The following FXR1 variants were observed in gnomAD, a reference collection of about 807,000 sequenced individuals.
The protein encoded by FXR1 is RNA-binding protein FXR1.
A neutral mutation model predicts 84.0 loss-of-function variants in FXR1; 15 were observed. The observed-to-expected ratio is 0.18, with a 90% confidence interval of 0.12 to 0.27. The LOEUF (loss-of-function observed/expected upper bound fraction) is 0.27. FXR1 is among the 10% of genes least tolerant of loss of function. The pLI, the probability that FXR1 is intolerant of heterozygous loss-of-function variation, is 1.00. For synonymous variants in FXR1, 245 were observed against 250.7 expected, an observed-to-expected ratio of 0.98 and a Z score of 0.21; for missense variants, 480 against 774.4, an observed-to-expected ratio of 0.62 and a Z score of 4.51.
intron 16 of FXR1, 39 bp downstream of exon 16, chr3:180,975,443 A>G (rs1329995264): frequency 1.3e-6 from 1 of 758,512 alleles, no homozygotes; most frequent in African/African-American, 1.8e-5. Flanking sequence ...TTTTTTTTTA[A>G]TTTTTGGTAT....
Position 180,957,816 on chromosome 3 carries a change from A to G in FXR1, c.881-3A>G. 7.1e-7 allele frequency: 1 copy of G among 1,405,264 alleles called. No homozygotes were observed. Among genetic ancestry groups the G allele is most frequent in the Non-Finnish European group, 1.0e-6 (1 of 999,988 alleles). 87.0% of individuals were successfully genotyped at this position (1,405,264 alleles called of 1,614,324 possible). A position where few individuals can be genotyped will look rare whatever the true frequency, so the allele number is the denominator to read the frequency against. ...CCATTGTATTTGTTTTCTCTTACTA[A>G]AGGAAAAGTAATTGGAAAAAATGGC... On this transcript the variant is annotated splice_region_variant and splice_polypyrimidine_tract_variant and intron_variant, in intron 9 of 16. Coordinates refer to ENST00000357559, the MANE Select transcript of FXR1 (RefSeq NM_005087.4).
At chr3:180,959,132 T>G (rs1313324278) in intron 10 of FXR1, among the ~76,000 whole-genome samples, 2 of 152,148 alleles carry the variant, frequency 1.3e-5, no homozygotes, top group Non-Finnish European at 2.9e-5. Flanking sequence ...TGAAATCCCC[T>G]TAACGCTTTT....
chr3:180,961,982 G>A (rs1214916596), intron 11 of FXR1, among the ~76,000 whole-genome samples: 1 of 152,098 alleles, frequency 6.6e-6, no homozygotes, highest in African/African-American at 2.4e-5. Context: ...TTGGCATTAT[G>A]CAAATCATCT....
chr3:180,954,483 A>T (rs995547388), intron 9 of FXR1, among the ~76,000 whole-genome samples: 1 of 152,246 alleles, frequency 6.6e-6, no homozygotes, highest in Non-Finnish European at 1.5e-5. Context: ...TGAGCATTAT[A>T]GCTTGGAATG....
At chr3:180,935,000 G>T in intron 2 of FXR1, 138 bp from the exon 3 acceptor site, 2 of 516,148 alleles carry the variant, frequency 3.9e-6, no homozygotes, top group Non-Finnish European at 3.5e-6. Flanking sequence ...TAATTTCTTG[G>T]GAAATTATTA....
intron 10 of FXR1, among the ~76,000 whole-genome samples, 176 bp downstream of exon 10, chr3:180,958,104 C>T (rs1333826661): frequency 1.3e-5 from 2 of 151,836 alleles, no homozygotes; most frequent in South Asian, 2.1e-4. Flanking sequence ...ACTATGTGGG[C>T]CTTGTTCTTA....
chr3:180,974,111 G>C (rs1713919253), intron 15 of FXR1, among the ~76,000 whole-genome samples: 1 of 151,758 alleles, frequency 6.6e-6, no homozygotes, highest in African/African-American at 2.4e-5. Flanking sequence ...AAGAAAAAAG[G>C]GTGGTTCTTT....
At position 180,980,379 on chromosome 3, in the gene FXR1, A is replaced by T. The variant is rs1052541161; in HGVS notation, c.*4087A>T. The T allele has an allele frequency of 1.3e-5, 2 of 151,706 alleles. No individual in the cohort carries two copies. Among genetic ancestry groups the T allele is most frequent in the African/African-American group, 4.8e-5 (2 of 41,330 alleles). The allele number at this position is 151,706 out of a possible 1,614,324, so 9.4% of individuals were successfully genotyped here. A position where few individuals can be genotyped will look rare whatever the true frequency, so the allele number is the denominator to read the frequency against. On this transcript the variant is annotated 3_prime_UTR_variant, in exon 17 of 17. Coordinates refer to ENST00000357559, the MANE Select transcript of FXR1 (RefSeq NM_005087.4). ...ATTTCTTTGTATTTCAGTGATTGGGATGTTCTTTTTTTTTGGGAAAGTTTT... is the reference window on the plus strand; with the variant it reads ...ATTTCTTTGTATTTCAGTGATTGGGTTGTTCTTTTTTTTTGGGAAAGTTTT...
Position 180,976,280 on chromosome 3 carries a change from T to C in FXR1, c.1854T>C (p.Asn618=). The change falls in exon 17 of 17, where the codon AAT becomes AAC. Residue 618 remains asparagine, a synonymous_variant. Transcript: ENST00000357559. ...ACACTCAAGAAGCAGCAGTCCTGAA[T>C]GGTGTTTCATAAACTGAAGAAGTTC... The part of the protein sequence containing the change: ...EENTQEAAVL[N]GVS The C allele has an allele frequency of 1.9e-6, 3 of 1,600,444 alleles. No individual in the cohort carries two copies. The highest frequency in any genetic ancestry group is 2.6e-6 in the Non-Finnish European group (3 of 1,173,554).
intron 10 of FXR1, among the ~76,000 whole-genome samples, chr3:180,959,687 T>G (rs1711839785): frequency 6.6e-6 from 1 of 151,588 alleles, no homozygotes; most frequent in African/African-American, 2.4e-5. Context: ...TATCTGCTTG[T>G]GAACTCCTGA....
intron 3 of FXR1, among the ~76,000 whole-genome samples, chr3:180,938,337 T>C (rs1720753752): frequency 6.6e-6 from 1 of 152,144 alleles, no homozygotes; most frequent in Admixed American, 6.5e-5. Flanking sequence ...TAAGTGACTG[T>C]ATTATATTGT....
intron 2 of FXR1, among the ~76,000 whole-genome samples, chr3:180,934,833 T>C (rs1303744409): frequency 6.6e-6 from 1 of 152,246 alleles, no homozygotes; most frequent in Non-Finnish European, 1.5e-5. Flanking sequence ...TTATTTCATT[T>C]GCAGAATAAT....
chr3:180,970,032 G>C, intron 14 of FXR1, 126 bp from the exon 15 acceptor site: 1 of 495,020 alleles, frequency 2.0e-6, no homozygotes, highest in South Asian at 3.8e-5. Context: ...CATTTTATTT[G>C]AAGACAGTGC....
chr3:180,971,099 G>C, intron 15 of FXR1: 2 of 1,261,578 alleles, frequency 1.6e-6, no homozygotes, highest in Non-Finnish European at 2.1e-6. Flanking sequence ...AAACCCCAGC[G>C]ACGCAATCGT....
intron 3 of FXR1, among the ~76,000 whole-genome samples, chr3:180,943,005 C>T (rs1576942922): frequency 6.6e-6 from 1 of 151,994 alleles, no homozygotes; most frequent in African/African-American, 2.4e-5. Context: ...TCTTGCTTGT[C>T]GACCAGGCTG....
intron 3 of FXR1, among the ~76,000 whole-genome samples, chr3:180,942,912 C>T (rs995214326): frequency 2.0e-5 from 3 of 152,102 alleles, no homozygotes; most frequent in Non-Finnish European, 4.4e-5. Flanking sequence ...GTGAGATATA[C>T]TCTTCATTTT....
intron 14 of FXR1, among the ~76,000 whole-genome samples, chr3:180,969,834 C>T (rs1411207775): frequency 1.3e-5 from 2 of 152,108 alleles, no homozygotes; most frequent in Non-Finnish European, 2.9e-5. Context: ...GGCAGGATTA[C>T]CTTGAAATGT....
Position 180,977,438 on chromosome 3 carries a change from G to C in FXR1, c.*1146G>C, listed in dbSNP as rs903354492. On this transcript the variant is annotated 3_prime_UTR_variant, in exon 17 of 17. Transcript: ENST00000357559. Reference sequence around the variant, plus strand: ...CAAAGGCAACTTTGGAAGACAATGGGGGATAGAAGGGATGACAAGCAATTT... The same window carrying C: ...CAAAGGCAACTTTGGAAGACAATGGCGGATAGAAGGGATGACAAGCAATTT... 3.3e-5 allele frequency: 5 copies of C among 151,970 alleles called. No individual in the cohort carries two copies. Among genetic ancestry groups the C allele is most frequent in the Non-Finnish European group, 7.4e-5 (5 of 67,936 alleles). The allele number at this position is 151,970 out of a possible 1,614,324, so 9.4% of individuals were successfully genotyped here.
At chr3:180,921,301 G>T (rs1283237970) in intron 1 of FXR1, among the ~76,000 whole-genome samples, 1 of 151,654 alleles carries the variant, frequency 6.6e-6, no homozygotes, top group Non-Finnish European at 1.5e-5. Flanking sequence ...CCAGGGTGGG[G>T]GTGTGTGTGG....
Sources: gnomAD v4.1 joint callset for allele counts (sites outside exome capture counted in the v4.1 genomes callset) on GRCh38, gnomAD v4.1.1 for gene constraint, MANE v1.5 for transcripts, NCBI Gene and HGNC (gene_info 2026-07-23, HGNC 2026-07-21) for gene names.